Variants in SNTG1 observed in about 807,000 individuals in gnomAD.
SNTG1 encodes syntrophin gamma 1.
A neutral mutation model predicts 74.7 loss-of-function variants in SNTG1; 39 were observed. The observed-to-expected ratio is 0.52, with a 90% CI of 0.40 to 0.68. SNTG1 has a LOEUF of 0.68. SNTG1 is among the 30% of genes least tolerant of loss of function. The pLI is 0.00. For missense variants in SNTG1, 685 were observed against 609.5 expected (o/e 1.12, Z -1.30); for synonymous variants, 254 against 217.1 (o/e 1.17, Z -1.49).
intron 11 of SNTG1, among the ~76,000 whole-genome samples, chr8:50,550,221 C>T (rs1469251048): frequency 6.6e-6 from 1 of 152,190 alleles, no homozygotes; most frequent in Non-Finnish European, 1.5e-5. Context: ...TGGTTCCTTG[C>T]AGACTTTAAG....
intron 4 of SNTG1, among the ~76,000 whole-genome samples, chr8:50,420,633 T>G (rs556732082): frequency 1.3e-5 from 2 of 152,224 alleles, no homozygotes; most frequent in African/African-American, 4.8e-5. Context: ...CTTTTCCCCT[T>G]AAGTTTTTTA....
intron 2 of SNTG1, among the ~76,000 whole-genome samples, chr8:50,293,417 C>CT (rs1008301090): frequency 3.5e-4 from 41 of 118,674 alleles, no homozygotes; most frequent in African/African-American, 1.1e-3. Context: ...TTTTTTTTTT[C>CT]TTTTTTTTTT....
intron 1 of SNTG1, among the ~76,000 whole-genome samples, chr8:50,070,327 A>T (rs1821259243): frequency 6.6e-6 from 1 of 152,212 alleles, no homozygotes; most frequent in Non-Finnish European, 1.5e-5. Context: ...AATTTAAAAA[A>T]ATAGCTTTTC....
chr8:50,134,294 C>G (rs569703987), intron 1 of SNTG1, among the ~76,000 whole-genome samples: 1 of 152,254 alleles, frequency 6.6e-6, no homozygotes, highest in South Asian at 2.1e-4. Flanking sequence ...AACAAATCTG[C>G]GTGGTTAATA....
intron 2 of SNTG1, among the ~76,000 whole-genome samples, chr8:50,260,913 A>T (rs764620395): frequency 6.6e-6 from 1 of 152,168 alleles, no homozygotes; most frequent in Non-Finnish European, 1.5e-5. Context: ...GGATAAATAC[A>T]ATAGCTATAA....
intron 2 of SNTG1, among the ~76,000 whole-genome samples, chr8:50,296,960 G>T (rs10504100): frequency 0.16 from 24,115 of 152,120 alleles, 2,319 homozygotes; most frequent in Middle Eastern, 0.28. Context: ...GAGATTTGTT[G>T]TTCATCAGTT....
chr8:50,610,099 T>A (rs1388315258), intron 13 of SNTG1, among the ~76,000 whole-genome samples: 2 of 152,224 alleles, frequency 1.3e-5, no homozygotes, highest in Non-Finnish European at 2.9e-5. Flanking sequence ...TCTGGATTTT[T>A]GTCTGAAAAT....
chr8:50,312,660 C>A (rs949565747), intron 2 of SNTG1, among the ~76,000 whole-genome samples: 2 of 149,756 alleles, frequency 1.3e-5, no homozygotes, highest in Admixed American at 1.4e-4. Flanking sequence ...GCATAATAGG[C>A]CACCTCATAC....
chr8:50,692,437 G>A (rs1169163583), intron 15 of SNTG1, among the ~76,000 whole-genome samples: 1 of 152,090 alleles, frequency 6.6e-6, no homozygotes, highest in Non-Finnish European at 1.5e-5. Context: ...TGGTGTGGAT[G>A]TCCTTTCTAT....
chr8:50,215,898 A>G (rs958285615), intron 2 of SNTG1, among the ~76,000 whole-genome samples: 1 of 152,222 alleles, frequency 6.6e-6, no homozygotes, highest in Non-Finnish European at 1.5e-5. Flanking sequence ...TTTAATTGCA[A>G]AACTGAATTA....
chr8:50,472,056 T>C (rs1426790830), intron 8 of SNTG1, among the ~76,000 whole-genome samples: 3 of 152,118 alleles, frequency 2.0e-5, no homozygotes, highest in South Asian at 4.1e-4. Context: ...AAAGTACAAG[T>C]AAATGGGAAG....
chr8:50,038,448 C>T (rs755360333), intron 1 of SNTG1, among the ~76,000 whole-genome samples: 1 of 152,122 alleles, frequency 6.6e-6, no homozygotes, highest in Admixed American at 6.5e-5. Context: ...TCTCTCCAAC[C>T]CTCCTGTGCA....
intron 8 of SNTG1, among the ~76,000 whole-genome samples, chr8:50,500,811 G>C (rs186962877): frequency 6.6e-6 from 1 of 152,186 alleles, no homozygotes; most frequent in East Asian, 1.9e-4. Flanking sequence ...TGCTGGGATT[G>C]TTTGAAGGGA....
At chr8:50,369,175 A>T (rs2092204824) in intron 2 of SNTG1, among the ~76,000 whole-genome samples, 1 of 152,230 alleles carries the variant, frequency 6.6e-6, no homozygotes, top group Non-Finnish European at 1.5e-5. Flanking sequence ...ATGTCCTTCC[A>T]AAATGCATAT....
chr8:50,399,599 C>T (rs2092774383), intron 3 of SNTG1, among the ~76,000 whole-genome samples: 1 of 152,058 alleles, frequency 6.6e-6, no homozygotes, highest in African/African-American at 2.4e-5. Context: ...GAAAAAATGT[C>T]CTGGAATATA....
intron 18 of SNTG1, among the ~76,000 whole-genome samples, chr8:50,781,744 A>G (rs1317551934): frequency 1.3e-5 from 2 of 152,180 alleles, no homozygotes; most frequent in African/African-American, 4.8e-5. Flanking sequence ...TGATCCTGTC[A>G]TTATGATGTT....
At chr8:49,959,407 G>C (rs1362640021) in intron 1 of SNTG1, among the ~76,000 whole-genome samples, 1 of 152,170 alleles carries the variant, frequency 6.6e-6, no homozygotes, top group Non-Finnish European at 1.5e-5. Flanking sequence ...CCCTTGACTT[G>C]TTTTCCACAG....
At chr8:49,976,180 T>G (rs1413807254) in intron 1 of SNTG1, among the ~76,000 whole-genome samples, 1 of 152,168 alleles carries the variant, frequency 6.6e-6, no homozygotes, top group African/African-American at 2.4e-5. Context: ...TATATCTTCT[T>G]TGAGAAAAGC....
intron 1 of SNTG1, among the ~76,000 whole-genome samples, chr8:50,161,343 G>T (rs2082409390): frequency 6.6e-6 from 1 of 152,224 alleles, no homozygotes; most frequent in African/African-American, 2.4e-5. Flanking sequence ...AAAGTACACA[G>T]TTGGGAAATT....
Sources: allele counts gnomAD v4.1 joint callset (sites outside exome capture counted in the v4.1 genomes callset), GRCh38; gene constraint gnomAD v4.1.1; transcripts MANE v1.5; gene names NCBI Gene and HGNC (gene_info 2026-07-23, HGNC 2026-07-21).